Variants in SRR observed in about 807,000 individuals in gnomAD.
The protein encoded by SRR is serine racemase.
Under a neutral mutation model 32.7 loss-of-function variants are expected in SRR, and 19 were observed. The observed-to-expected ratio is 0.58, with a 90% CI of 0.40 to 0.85. SRR has a LOEUF of 0.85. Among genes scored for constraint, SRR ranks in the 40% least tolerant of loss-of-function variants. The pLI, the probability that SRR is intolerant of heterozygous loss-of-function variation, is 0.00. For synonymous variants in SRR, 142 were observed against 140.9 expected, an observed-to-expected ratio of 1.01 and a Z score of -0.06; for missense variants, 373 against 404.7, an observed-to-expected ratio of 0.92 and a Z score of 0.67.
At chr17:2,305,291 C>T (rs1041260262) in intron 1 of SRR, among the ~76,000 whole-genome samples, 8 of 152,150 alleles carry the variant, frequency 5.3e-5, no homozygotes, top group African/African-American at 1.9e-4. Flanking sequence ...TTTCTTTTTT[C>T]AGCTGGAAAA....
At chr17:2,317,783 G>T (rs1012979720) in intron 2 of SRR, 87 bp from the exon 3 acceptor site, 7 of 1,410,946 alleles carry the variant, frequency 5.0e-6, no homozygotes, top group Non-Finnish European at 6.9e-6. Flanking sequence ...GGATGTGCAT[G>T]TTAAGGATAG....
At chr17:2,313,123 T>C (rs1055201077) in intron 1 of SRR, among the ~76,000 whole-genome samples, 4 of 152,144 alleles carry the variant, frequency 2.6e-5, no homozygotes, top group Non-Finnish European at 5.9e-5. Context: ...AGAAGTACTA[T>C]TAAGTCATTT....
rs35025479 is a variant in SRR at position 2,320,251 on chromosome 17, C to CTTT, written c.400-1032_400-1030dup. Among the ~76,000 whole-genome samples the CTTT allele has an allele frequency of 5.1e-3, 394 of 76,652 alleles. 11 individuals are homozygous for CTTT. Among genetic ancestry groups the CTTT allele is most frequent in the East Asian group, 0.015 (33 of 2,162 alleles). The allele number at this position is 76,652 out of a possible 152,430, so 50.3% of individuals were successfully genotyped here. ...CTATCTTTCTGACCTCATCTCTCATCTTTTTTTTTTTTTTTTTTTTTTTTT... is the reference window on the plus strand; with the variant it reads ...CTATCTTTCTGACCTCATCTCTCATCTTTTTTTTTTTTTTTTTTTTTTTTTTTT... On this transcript the variant is annotated intron_variant, in intron 4 of 7. Coordinates refer to ENST00000344595, the MANE Select transcript of SRR (RefSeq NM_021947.3).
At chr17:2,314,531 C>T (rs1324022964) in intron 1 of SRR, among the ~76,000 whole-genome samples, 4 of 149,336 alleles carry the variant, frequency 2.7e-5, no homozygotes, top group East Asian at 3.9e-4. Context: ...TGCAGTGAGC[C>T]GAGATCGCGC....
chr17:2,309,292 C>T (rs1003086007), intron 1 of SRR, among the ~76,000 whole-genome samples: 1 of 152,182 alleles, frequency 6.6e-6, no homozygotes, highest in Non-Finnish European at 1.5e-5. Context: ...TTCTCTCCCC[C>T]ATTCAATCCA....
At chr17:2,303,869 C>T, upstream of SRR, 1 of 558,610 alleles carries the variant, frequency 1.8e-6, no homozygotes. Flanking sequence ...GGTGGCCGCG[C>T]TGGGAGGAAA....
rs751855272 is a variant in SRR at position 2,315,853 on chromosome 17, A to G, written c.168+125A>G. On this transcript the variant is annotated intron_variant, in intron 2 of 7. Transcript: ENST00000344595. The stretch of plus-strand genomic sequence containing the variant: ...TAATGCCTTTATACAGCTGGAAAAA[A>G]GGTTACAGAAATTTTCCTTTCAAGT... 4.1e-4 allele frequency: 407 copies of G among 986,748 alleles called. 1 individual carries two copies. The highest frequency in any genetic ancestry group is 5.5e-4 in the Non-Finnish European group (385 of 695,094). 61.1% of individuals were successfully genotyped at this position (986,748 alleles called of 1,614,324 possible).
intron 2 of SRR, 31 bp downstream of exon 2, chr17:2,315,759 A>C: frequency 1.3e-6 from 2 of 1,594,028 alleles, no homozygotes; most frequent in Admixed American, 3.4e-5. Flanking sequence ...TGTATCATGT[A>C]TGTTTTCACA....
intron 1 of SRR, among the ~76,000 whole-genome samples, chr17:2,310,276 A>G (rs1389833339): frequency 6.6e-6 from 1 of 152,166 alleles, no homozygotes; most frequent in Non-Finnish European, 1.5e-5. Context: ...ACATGTAGGA[A>G]TGGAATCGGT....
intron 2 of SRR, among the ~76,000 whole-genome samples, chr17:2,316,791 T>C (rs990123032): frequency 6.6e-6 from 1 of 151,756 alleles, no homozygotes. Flanking sequence ...CGGCTCACTG[T>C]AAGCTCCACC....
Position 2,321,581 on chromosome 17 carries a change from G to C in SRR, c.559G>C (p.Gly187Arg). 1 of 1,614,110 alleles carries C rather than the reference G, an allele frequency of 6.2e-7. No homozygotes were observed. Among genetic ancestry groups the C allele is most frequent in the Non-Finnish European group, 8.5e-7 (1 of 1,180,022 alleles). The change falls in exon 6 of 8, where the codon GGA becomes CGA. Residue 187 changes from glycine (G) to arginine (R), a missense_variant. Gly to Arg is a moderately radical substitution (Grantham distance 125, BLOSUM62 -2). Coordinates refer to ENST00000344595, the MANE Select transcript of SRR (RefSeq NM_021947.3). ...TGCACTGGTGGTACCTGTAGGTGGA[G>C]GAGGAATGCTTGCTGGAATAGCAAT... ...VDALVVPVGG[G>R]GMLAGIAITV...
At chr17:2,309,049 C>T (rs1303707687) in intron 1 of SRR, among the ~76,000 whole-genome samples, 1 of 152,094 alleles carries the variant, frequency 6.6e-6, no homozygotes, top group Non-Finnish European at 1.5e-5. Context: ...ATCCGGGAGG[C>T]GGAGGTTGCA....
chr17:2,308,785 C>T (rs1465238748), intron 1 of SRR, among the ~76,000 whole-genome samples: 7 of 151,958 alleles, frequency 4.6e-5, no homozygotes, highest in Admixed American at 3.9e-4. Flanking sequence ...CGCACCACTG[C>T]ACTCCAGCCT....
At chr17:2,303,646 C>T, upstream of SRR, 2 of 1,487,466 alleles carry the variant, frequency 1.3e-6, no homozygotes, top group Non-Finnish European at 1.8e-6. Context: ...TGCTCCCGGC[C>T]TGCGGGGCCA....
chr17:2,320,323 T>G (rs1249437126), intron 4 of SRR, among the ~76,000 whole-genome samples: 1 of 131,738 alleles, frequency 7.6e-6, no homozygotes, highest in Non-Finnish European at 1.6e-5. Context: ...CGGCACAATC[T>G]CGGCTCACTG....
upstream of SRR, chr17:2,303,634 T>C: frequency 6.8e-7 from 1 of 1,479,934 alleles, no homozygotes; most frequent in South Asian, 1.3e-5. Context: ...GCGACTCACC[T>C]CTGCTCCCGG....
At position 2,307,528 on chromosome 17, in the gene SRR, G is replaced by A; in HGVS notation, c.-5+3511G>A. 7.1e-6 allele frequency: 9 copies of A among 1,265,806 alleles called. No homozygotes were observed. In the South Asian group the frequency reaches 1.1e-4, roughly 15 times the overall value. 78.4% of individuals were successfully genotyped at this position (1,265,806 alleles called of 1,614,324 possible). A position where few individuals can be genotyped will look rare whatever the true frequency, so the allele number is the denominator to read the frequency against. ...AATGATGGAAGCAATTTTGGAGGTG[G>A]AAGCTACAATGATTTTGGCAATTAC... On this transcript the variant is annotated intron_variant, in intron 1 of 7. Coordinates refer to ENST00000344595, the MANE Select transcript of SRR (RefSeq NM_021947.3).
chr17:2,317,397 G>T (rs1052451398), intron 2 of SRR, among the ~76,000 whole-genome samples: 2 of 150,406 alleles, frequency 1.3e-5, no homozygotes, highest in Non-Finnish European at 3.0e-5. Flanking sequence ...CTGCAGACCC[G>T]GCTACTCGAG....
rs1280092730 is a variant in SRR, at chr17:2,319,065, T to C, written c.399+136T>C. ...CTGTTAGCATGCTCAACCTTTTCTCTATCTACACTCACAAGATCTCATTAG... is the reference window on the plus strand; with the variant it reads ...CTGTTAGCATGCTCAACCTTTTCTCCATCTACACTCACAAGATCTCATTAG... On this transcript the variant is annotated intron_variant, in intron 4 of 7. Transcript: ENST00000344595. 3 of 557,200 alleles carry C rather than the reference T, an allele frequency of 5.4e-6. No individual in the cohort carries two copies. In the East Asian group the frequency reaches 9.3e-5, roughly 17 times the overall value. The allele number at this position is 557,200 out of a possible 1,614,324, so 34.5% of individuals were successfully genotyped here.
Sources: gnomAD v4.1 joint callset for allele counts (sites outside exome capture counted in the v4.1 genomes callset) on GRCh38, gnomAD v4.1.1 for gene constraint, MANE v1.5 for transcripts, NCBI Gene and HGNC (gene_info 2026-07-23, HGNC 2026-07-21) for gene names.